The following PPARGC1A variants were observed in gnomAD, a reference collection of about 807,000 sequenced individuals.
PPARGC1A encodes the protein PPARG coactivator 1 alpha.
In PPARGC1A, 25 loss-of-function variants were observed where a neutral mutation model predicts 88.7. The observed-to-expected ratio is 0.28, with a 90% CI of 0.21 to 0.39. The LOEUF is 0.39. PPARGC1A is among the 10% of genes least tolerant of loss of function. PPARGC1A has a pLI of 1.00. For missense variants in PPARGC1A, 880 were observed against 968.7 expected, an observed-to-expected ratio of 0.91 and a Z score of 1.22; for synonymous variants, 363 against 355.6, an observed-to-expected ratio of 1.02 and a Z score of -0.24.
At chr4:24,464,571 TC>T in the PPARGC1A span, among the ~76,000 whole-genome samples, 6 of 152,316 alleles carry the variant, frequency 3.9e-5, no homozygotes, top group African/African-American at 1.4e-4. Flanking sequence ...CAACACACTT[TC>T]TAATACTCTT....
the PPARGC1A span, among the ~76,000 whole-genome samples, chr4:24,430,516 C>A: frequency 6.6e-6 from 1 of 152,030 alleles, no homozygotes; most frequent in Non-Finnish European, 1.5e-5. Context: ...CTGCCTCGGC[C>A]TCCCAAAGGG....
chr4:24,144,151 G>C, the PPARGC1A span, among the ~76,000 whole-genome samples: 2 of 152,144 alleles, frequency 1.3e-5, no homozygotes, highest in Non-Finnish European at 2.9e-5. Context: ...GCAATATAGA[G>C]AGCATCCCAA....
chr4:23,839,787 T>C (rs56981304), intron 2 of PPARGC1A, among the ~76,000 whole-genome samples: 2,967 of 124,440 alleles, frequency 0.024, 110 homozygotes, highest in African/African-American at 0.087. Flanking sequence ...CTTACGTGGA[T>C]GGTGTCAGGC....
the PPARGC1A span, among the ~76,000 whole-genome samples, chr4:23,944,815 T>C: frequency 1.3e-5 from 2 of 152,230 alleles, no homozygotes; most frequent in South Asian, 4.1e-4. Flanking sequence ...CTTCTCCTTC[T>C]GCCATGACTG....
chr4:24,385,157 A>G, the PPARGC1A span, among the ~76,000 whole-genome samples: 1 of 152,170 alleles, frequency 6.6e-6, no homozygotes. Flanking sequence ...GTAAATAACA[A>G]AATTAAGGAA....
chr4:24,450,332 C>G, the PPARGC1A span, among the ~76,000 whole-genome samples: 1 of 152,214 alleles, frequency 6.6e-6, no homozygotes, highest in Admixed American at 6.5e-5. Context: ...CATGTACGAA[C>G]TCCTTTAACT....
the PPARGC1A span, among the ~76,000 whole-genome samples, chr4:24,286,445 G>A: frequency 6.6e-6 from 1 of 152,132 alleles, no homozygotes; most frequent in Admixed American, 6.5e-5. Context: ...AAGATCTGAG[G>A]GGAAAGTCTG....
the PPARGC1A span, among the ~76,000 whole-genome samples, chr4:24,016,046 G>A: frequency 1.3e-5 from 2 of 152,100 alleles, no homozygotes; most frequent in African/African-American, 2.4e-5. Context: ...CCAATAGAGT[G>A]GTGCTTAGGC....
the PPARGC1A span, among the ~76,000 whole-genome samples, chr4:23,950,611 C>T: frequency 6.6e-6 from 1 of 152,084 alleles, no homozygotes; most frequent in Non-Finnish European, 1.5e-5. Flanking sequence ...ATTATTTGAT[C>T]TTTGCTTGCC....
chr4:24,155,577 G>C, the PPARGC1A span, among the ~76,000 whole-genome samples: 1 of 148,072 alleles, frequency 6.8e-6, no homozygotes, highest in Admixed American at 6.7e-5. Context: ...CTCCAGCCTA[G>C]GCAATACAAC....
At chr4:23,907,463 C>T (rs533126813), upstream of PPARGC1A, among the ~76,000 whole-genome samples, 48 of 152,294 alleles carry the variant, frequency 3.2e-4, 1 homozygote, top group South Asian at 9.5e-3. Flanking sequence ...ATGCAGAATA[C>T]GTTGGTTGTG....
the PPARGC1A span, among the ~76,000 whole-genome samples, chr4:24,028,962 A>T: frequency 6.6e-6 from 1 of 152,250 alleles, no homozygotes; most frequent in Admixed American, 6.5e-5. Context: ...ATGACCGATT[A>T]GAATTTTTAG....
chr4:23,917,186 C>T, the PPARGC1A span, among the ~76,000 whole-genome samples: 4 of 152,186 alleles, frequency 2.6e-5, no homozygotes, highest in South Asian at 2.1e-4. Flanking sequence ...GCAGTAGAGA[C>T]GAAATGTATT....
the PPARGC1A span, among the ~76,000 whole-genome samples, chr4:24,381,831 A>G: frequency 6.6e-6 from 1 of 152,264 alleles, no homozygotes; most frequent in Non-Finnish European, 1.5e-5. Context: ...TTGATTAGAT[A>G]AAAATCCACT....
At chr4:24,020,264 A>T in the PPARGC1A span, among the ~76,000 whole-genome samples, 1 of 152,204 alleles carries the variant, frequency 6.6e-6, no homozygotes, top group African/African-American at 2.4e-5. Context: ...TTTCCTAAAT[A>T]ATCCTGTCAA....
At chr4:24,395,923 T>C in the PPARGC1A span, among the ~76,000 whole-genome samples, 3 of 152,190 alleles carry the variant, frequency 2.0e-5, no homozygotes, top group Admixed American at 6.5e-5. Flanking sequence ...ATAATTACAT[T>C]ATTTTTCTCT....
chr4:24,079,742 C>T, the PPARGC1A span, among the ~76,000 whole-genome samples: 1 of 151,970 alleles, frequency 6.6e-6, no homozygotes, highest in African/African-American at 2.4e-5. Context: ...CACTTTTCCG[C>T]CTGAAATTTA....
At chr4:24,216,973 A>G in the PPARGC1A span, among the ~76,000 whole-genome samples, 2 of 152,196 alleles carry the variant, frequency 1.3e-5, no homozygotes, top group African/African-American at 4.8e-5. Flanking sequence ...ACACATTCAA[A>G]GCACCTGACA....
At chr4:24,227,306 C>T in the PPARGC1A span, among the ~76,000 whole-genome samples, 4 of 152,100 alleles carry the variant, frequency 2.6e-5, no homozygotes, top group African/African-American at 4.8e-5. Flanking sequence ...AGGCTGGTTT[C>T]GAACTCTTGA....
Sources: allele counts gnomAD v4.1 joint callset (sites outside exome capture counted in the v4.1 genomes callset), GRCh38; gene constraint gnomAD v4.1.1; transcripts MANE v1.5; gene names NCBI Gene and HGNC (gene_info 2026-07-23, HGNC 2026-07-21).